The following TESK2 variants were observed in gnomAD, a reference collection of about 807,000 sequenced individuals.
TESK2 encodes the protein testis associated actin remodelling kinase 2.
Under a neutral mutation model 57.1 loss-of-function variants are expected in TESK2, and 39 were observed. The ratio of observed to expected loss-of-function variants is 0.68; its 90% confidence interval spans 0.53 to 0.89. The LOEUF (loss-of-function observed/expected upper bound fraction) is 0.89. TESK2 is among the 40% of genes least tolerant of loss of function. The pLI is 0.00. For missense variants in TESK2, 646 were observed against 732.1 expected, an observed-to-expected ratio of 0.88 and a Z score of 1.36; for synonymous variants, 249 against 267.9, an observed-to-expected ratio of 0.93 and a Z score of 0.69.
chr1:45,440,178 T>C (rs1247475474), intron 2 of TESK2, among the ~76,000 whole-genome samples: 1 of 151,908 alleles, frequency 6.6e-6, no homozygotes, highest in Non-Finnish European at 1.5e-5. Flanking sequence ...TCTCAGACTC[T>C]TGGCCTCATG....
intron 1 of TESK2, among the ~76,000 whole-genome samples, chr1:45,474,475 T>C (rs1652904255): frequency 6.6e-6 from 1 of 151,798 alleles, no homozygotes; most frequent in Admixed American, 6.6e-5. Flanking sequence ...TTTTTTATTG[T>C]ATTTATTTAT....
intron 4 of TESK2, among the ~76,000 whole-genome samples, chr1:45,371,587 G>C (rs567834407): frequency 6.6e-6 from 1 of 152,336 alleles, no homozygotes; most frequent in South Asian, 2.1e-4. Context: ...TACAGGCTGG[G>C]TGTGGTGGCT....
chr1:45,442,630 G>A (rs796479678), intron 2 of TESK2, among the ~76,000 whole-genome samples: 1 of 152,270 alleles, frequency 6.6e-6, no homozygotes, highest in African/African-American at 2.4e-5. Flanking sequence ...CCACTGCTAC[G>A]CTGCAGCTGA....
chr1:45,450,012 AGTGTAT>A (rs1651807482), intron 2 of TESK2, among the ~76,000 whole-genome samples: 1 of 152,220 alleles, frequency 6.6e-6, no homozygotes. Context: ...ATGCTAATTT[AGTGTAT>A]GATAGAGATA....
At chr1:45,359,887 T>C (rs1436461884) in intron 4 of TESK2, among the ~76,000 whole-genome samples, 1 of 151,836 alleles carries the variant, frequency 6.6e-6, no homozygotes, top group Non-Finnish European at 1.5e-5. Context: ...TAAAATAAAA[T>C]ATGTGAAAGC....
Position 45,355,406 on chromosome 1 carries a change from A to G in TESK2, c.437T>C (p.Leu146Pro). Reference sequence around the variant, plus strand: ...TACCCTCACAGTCCAAGGCAAATGCAGGTTACTGTCTAGCAACTGTTCCAG... The same window carrying G: ...TACCCTCACAGTCCAAGGCAAATGCGGGTTACTGTCTAGCAACTGTTCCAG... ...GNLEQLLDSN[L>P]HLPWTVRVKL... Residue 146 changes from leucine (L) to proline (P), a missense_variant, in exon 5 of 11, where the codon CTG (leucine) becomes CCG (proline). By Grantham distance (98) the Leu-to-Pro change is moderately conservative. Coordinates refer to ENST00000372086, the MANE Select transcript of TESK2 (RefSeq NM_007170.3). 6.2e-7 allele frequency: 1 copy of G among 1,613,812 alleles called. No individual in the cohort carries two copies.
chr1:45,446,415 CG>C (rs1462191399), intron 2 of TESK2, among the ~76,000 whole-genome samples: 1 of 151,876 alleles, frequency 6.6e-6, no homozygotes, highest in Admixed American at 6.6e-5. Context: ...GAGCTATGAT[CG>C]TACTACTGCA....
intron 1 of TESK2, among the ~76,000 whole-genome samples, chr1:45,477,374 C>T (rs1653040654): frequency 6.6e-6 from 1 of 151,920 alleles, no homozygotes; most frequent in African/African-American, 2.4e-5. Context: ...GATAAAAGTT[C>T]AGGAAAGTAA....
At chr1:45,483,684 C>T (rs368577717) in intron 1 of TESK2, among the ~76,000 whole-genome samples, 3 of 151,880 alleles carry the variant, frequency 2.0e-5, no homozygotes, top group African/African-American at 7.2e-5. Flanking sequence ...CGCGAGGGGG[C>T]GGCGGAGGGG....
intron 1 of TESK2, among the ~76,000 whole-genome samples, chr1:45,459,596 C>T (rs953326703): frequency 6.6e-6 from 1 of 152,180 alleles, no homozygotes; most frequent in Non-Finnish European, 1.5e-5. Context: ...AATCCTAACA[C>T]TTTGGGAGGC....
chr1:45,483,005 C>T (rs11211120), intron 1 of TESK2, among the ~76,000 whole-genome samples: 14,660 of 149,926 alleles, frequency 0.098, 762 homozygotes, highest in East Asian at 0.19. Flanking sequence ...AATGTCCGGG[C>T]GCAGTAGCTG....
At chr1:45,360,863 G>A (rs1364148751) in intron 4 of TESK2, among the ~76,000 whole-genome samples, 1 of 152,134 alleles carries the variant, frequency 6.6e-6, no homozygotes, top group African/African-American at 2.4e-5. Flanking sequence ...TGTCCCTCAG[G>A]CTGGAGTGCA....
intron 1 of TESK2, among the ~76,000 whole-genome samples, chr1:45,487,708 A>AT (rs1491456389): frequency 2.0e-5 from 3 of 152,170 alleles, no homozygotes; most frequent in Admixed American, 1.3e-4. Flanking sequence ...GGAATGAAAC[A>AT]TATCTCCTAC....
chr1:45,357,787 CCT>C (rs1374555481), intron 4 of TESK2, among the ~76,000 whole-genome samples: 1 of 151,654 alleles, frequency 6.6e-6, no homozygotes, highest in East Asian at 2.0e-4. Context: ...AGGTGGATTA[CCT>C]GAGGTCGGGA....
In TESK2 at chr1:45,480,444, CA is replaced by C. The variant is rs1653170972; in HGVS notation, c.-87+10407del. On this transcript the variant is annotated intron_variant, in intron 1 of 10. Transcript: ENST00000372086. Reference sequence around the variant, plus strand: ...CTGCACTCCAGTGTGGGCAACAGAGCAAAACTCAGTCTCCAAAAAAAAAAAA... The same window carrying C: ...CTGCACTCCAGTGTGGGCAACAGAGCAAACTCAGTCTCCAAAAAAAAAAAA... Among the ~76,000 whole-genome samples, 3 of 127,142 alleles carry C rather than the reference CA, an allele frequency of 2.4e-5. No individual in the cohort carries two copies. In the East Asian group the frequency reaches 6.9e-4, roughly 29 times the overall value. 83.4% of individuals were successfully genotyped at this position (127,142 alleles called of 152,430 possible). A position where few individuals can be genotyped will look rare whatever the true frequency, so the allele number is the denominator to read the frequency against.
chr1:45,358,576 A>G (rs1270632653), intron 4 of TESK2, among the ~76,000 whole-genome samples: 1 of 152,098 alleles, frequency 6.6e-6, no homozygotes, highest in Non-Finnish European at 1.5e-5. Flanking sequence ...AGAGTTTTGC[A>G]TATATTATCT....
rs112255313 is a variant in TESK2 at position 45,456,247 on chromosome 1, G to A, written c.222+1317C>T. Among the ~76,000 whole-genome samples the A allele has an allele frequency of 5.3e-5, 8 of 151,986 alleles. No homozygotes were observed. In the South Asian group the frequency reaches 1.2e-3, roughly 24 times the overall value. ...TAATAGAATAAAATAGGTTGGGCGC[G>A]GTGGCTCATGCCTATAATCCCAGCA... On this transcript the variant is annotated intron_variant, in intron 2 of 10. Transcript: ENST00000372086.
chr1:45,427,336 T>C (rs1469118265), intron 2 of TESK2, among the ~76,000 whole-genome samples: 1 of 151,920 alleles, frequency 6.6e-6, no homozygotes, highest in East Asian at 1.9e-4. Flanking sequence ...ATAGCCACTA[T>C]GGAGAACAGT....
chr1:45,429,537 T>C (rs1267660972), intron 2 of TESK2, among the ~76,000 whole-genome samples: 1 of 152,168 alleles, frequency 6.6e-6, no homozygotes, highest in East Asian at 1.9e-4. Flanking sequence ...TTTTTTAAAG[T>C]ATATATGACA....
Sources: gnomAD v4.1 joint callset for allele counts (sites outside exome capture counted in the v4.1 genomes callset) on GRCh38, gnomAD v4.1.1 for gene constraint, MANE v1.5 for transcripts, NCBI Gene and HGNC (gene_info 2026-07-23, HGNC 2026-07-21) for gene names.